Variants in YY1AP1 observed in about 807,000 individuals in gnomAD.
The protein encoded by YY1AP1 is YY1-associated protein 1.
A neutral mutation model predicts 39.9 loss-of-function variants in YY1AP1; 43 were observed. The ratio of observed to expected loss-of-function variants is 1.08; its 90% CI spans 0.84 to 1.39. The LOEUF (loss-of-function observed/expected upper bound fraction) is 1.39. Ranked by LOEUF, YY1AP1 falls within the 40% of genes most tolerant of loss-of-function variation. YY1AP1 has a pLI of 0.00. For missense variants in YY1AP1, 813 were observed against 900.7 expected, an observed-to-expected ratio of 0.90 and a Z score of 1.25; for synonymous variants, 292 against 331.3, an observed-to-expected ratio of 0.88 and a Z score of 1.29.
At position 155,680,474 on chromosome 1, in the gene YY1AP1, G is replaced by A. The variant is rs762166350; in HGVS notation, c.-20-18C>T. 12 of 1,609,472 alleles carry A rather than the reference G, an allele frequency of 7.5e-6. No individual in the cohort carries two copies. The highest frequency in any genetic ancestry group is 3.3e-5 in the South Asian group (3 of 91,006). ...TTCCTTTTCTGCAAAAAAGCCAAAC[G>A]TTGTTGGTATAAATTAGATTCATTT... is the stretch of plus-strand genomic sequence containing the variant. On this transcript the variant is annotated intron_variant, in intron 2 of 10. Coordinates refer to ENST00000355499, the MANE Select transcript of YY1AP1 (RefSeq NM_139119.3).
Position 155,675,052 on chromosome 1 carries a change from G to A in YY1AP1, c.369C>T (p.Asn123=). The change falls in exon 6 of 11, where the codon AAC becomes AAT. Residue 123 remains asparagine, a synonymous_variant. Coordinates refer to ENST00000355499, the MANE Select transcript of YY1AP1 (RefSeq NM_139119.3). ...TACTGGCCTCCGGATTGAGATTGGG[G>A]TTGCAGGTGGCAAGAAGGTGGATTT... ...LTQIHLLATC[N]PNLNPEASST... is the part of the protein sequence containing the mutation. 2 of 1,613,896 alleles carry A rather than the reference G, an allele frequency of 1.2e-6. No homozygotes were observed. Among genetic ancestry groups the A allele is most frequent in the Non-Finnish European group, 8.5e-7 (1 of 1,179,840 alleles).
At chr1:155,676,423 G>C (rs777443089) in intron 5 of YY1AP1, 125 bp downstream of exon 5, 7 of 1,148,208 alleles carry the variant, frequency 6.1e-6, no homozygotes, top group Non-Finnish European at 8.9e-6. Flanking sequence ...AAGATACTAC[G>C]GTTTTAATAC....
chr1:155,659,598 C>A lies in YY1AP1; in HGVS notation c.*59G>T. 1 of 1,580,930 alleles carries A rather than the reference C, an allele frequency of 6.3e-7. No homozygotes were observed. On this transcript the variant is annotated 3_prime_UTR_variant, in exon 11 of 11. Coordinates refer to ENST00000355499, the MANE Select transcript of YY1AP1 (RefSeq NM_139119.3). The stretch of plus-strand genomic sequence containing the variant: ...GGTTTCCTATTGGTTACACCCTATG[C>A]GCCACCAATCGGAGGCCGAAGTGAA...
chr1:155,676,036 A>T (rs942584259), intron 5 of YY1AP1, among the ~76,000 whole-genome samples: 3 of 152,048 alleles, frequency 2.0e-5, no homozygotes, highest in Admixed American at 2.0e-4. Context: ...ATCCTGGCTA[A>T]CACAGTGAAC....
intron 4 of YY1AP1, among the ~76,000 whole-genome samples, chr1:155,677,469 T>G (rs955820884): frequency 1.3e-5 from 2 of 152,030 alleles, no homozygotes; most frequent in Non-Finnish European, 2.9e-5. Context: ...TAGAAAGAAA[T>G]AAAGGGAGAA....
In YY1AP1 at chr1:155,659,809, T is replaced by C. The variant is rs201827011; in HGVS notation, c.2101A>G (p.Thr701Ala). ...GLSENSAYRWTVVKTEEGRQA... is the reference protein window; with the variant it reads ...GLSENSAYRWAVVKTEEGRQA... ...CTTCCCTCCTCTGTTTTCACAACGG[T>C]CCAGCGATAGGCACTGTTCTCTGAC... Residue 701 changes from threonine to alanine, a missense_variant, in exon 11 of 11, where the codon ACC becomes GCC. Coordinates refer to ENST00000355499, the MANE Select transcript of YY1AP1 (RefSeq NM_139119.3). 2.2e-5 allele frequency: 36 copies of C among 1,614,062 alleles called. No homozygotes were observed. The highest frequency in any genetic ancestry group is 2.9e-5 in the Non-Finnish European group (34 of 1,180,034).
chr1:155,665,783 T>TAA (rs1166220769), intron 9 of YY1AP1, among the ~76,000 whole-genome samples: 1 of 58,534 alleles, frequency 1.7e-5, no homozygotes, highest in Non-Finnish European at 2.9e-5. Context: ...ACTCTGTGTC[T>TAA]CAAAAAAAAA....
Position 155,668,639 on chromosome 1 carries a change from G to C in YY1AP1, c.867C>G (p.Asp289Glu). ...AGGAAACACTCACTTTAATGATGTT[G>C]TCAGGAGCTCTGTTCATGTTGAGGT... ...IKNLNMNRAP[D>E]NIIKFYKKTK... Residue 289 changes from aspartate to glutamate, a missense_variant, in exon 9 of 11, where the codon GAC becomes GAG. This residue lies in a region of YY1AP1 where 586 missense variants were observed against 647.4 expected (regional missense o/e 0.91). Coordinates refer to ENST00000355499, the MANE Select transcript of YY1AP1 (RefSeq NM_139119.3). 1 of 1,614,184 alleles carries C rather than the reference G, an allele frequency of 6.2e-7. No homozygotes were observed. The highest frequency in any genetic ancestry group is 1.7e-5 in the Admixed American group (1 of 60,012).
In YY1AP1 at chr1:155,688,753, G is replaced by A; in HGVS notation, c.-246C>T. 1 of 1,497,208 alleles carries A rather than the reference G, an allele frequency of 6.7e-7. No homozygotes were observed. Among genetic ancestry groups the A allele is most frequent in the Non-Finnish European group, 8.9e-7 (1 of 1,126,454 alleles). The allele number at this position is 1,497,208 out of a possible 1,614,324, so 92.7% of individuals were successfully genotyped here. A position where few individuals can be genotyped will look rare whatever the true frequency, so the allele number is the denominator to read the frequency against. ...GCCACCAACCGCCGCCAAAGCAGCCGCCGCCAGCACCCCCACCCTACACTC... is the reference window on the plus strand; with the variant it reads ...GCCACCAACCGCCGCCAAAGCAGCCACCGCCAGCACCCCCACCCTACACTC... On this transcript the variant is annotated 5_prime_UTR_variant, in exon 1 of 11. Coordinates refer to ENST00000355499, the MANE Select transcript of YY1AP1 (RefSeq NM_139119.3).
Position 155,679,455 on chromosome 1 carries a change from G to C in YY1AP1, c.79C>G (p.Arg27Gly). The change falls in exon 4 of 11, where the codon CGT becomes GGT. Residue 27 changes from arginine (R) to glycine (G), a missense_variant. Physicochemically the swap from Arg to Gly is moderately radical, Grantham distance 125. This residue lies in a region of YY1AP1 where 196 missense variants were observed against 189.7 expected (regional missense o/e 1.03). Coordinates refer to ENST00000355499, the MANE Select transcript of YY1AP1 (RefSeq NM_139119.3). ...MEDDGPEEEE[R>G]VAEPQANFNT... ...AAGTTAGCTTGAGGCTCAGCCACAC[G>C]CTCCTCCTCTTCTGGGCCATCATCT... 1 of 1,614,184 alleles carries C rather than the reference G, an allele frequency of 6.2e-7. No individual in the cohort carries two copies. The highest frequency in any genetic ancestry group is 8.5e-7 in the Non-Finnish European group (1 of 1,180,028).
intron 6 of YY1AP1, 128 bp downstream of exon 6, chr1:155,674,882 T>G: frequency 1.3e-6 from 1 of 764,964 alleles, no homozygotes; most frequent in Non-Finnish European, 2.2e-6. Context: ...AATCAGTGGC[T>G]TATGTTCACT....
rs545020923 is a variant in YY1AP1, at chr1:155,681,326, A to T, written c.-20-870T>A. Among the ~76,000 whole-genome samples the T allele has an allele frequency of 2.5e-3, 388 of 152,216 alleles. 1 individual carries two copies. Among genetic ancestry groups the T allele is most frequent in the Non-Finnish European group, 2.3e-3 (157 of 68,000 alleles). On this transcript the variant is annotated intron_variant, in intron 2 of 10. Coordinates refer to ENST00000355499, the MANE Select transcript of YY1AP1 (RefSeq NM_139119.3). The stretch of plus-strand genomic sequence containing the variant: ...ATTACAGGCATGAGCCACCATGACC[A>T]GCCCAATGATTTTATAATTAGATGG...
At chr1:155,683,587 C>T (rs925968210) in intron 2 of YY1AP1, among the ~76,000 whole-genome samples, 2 of 151,958 alleles carry the variant, frequency 1.3e-5, no homozygotes, top group African/African-American at 4.8e-5. Flanking sequence ...ATCCGGGTGG[C>T]AGAGGCTACA....
Position 155,668,836 on chromosome 1 carries a change from C to T in YY1AP1, c.729-59G>A, listed in dbSNP as rs1197672177. 4.3e-6 allele frequency: 7 copies of T among 1,610,130 alleles called. No individual in the cohort carries two copies. In the East Asian group the frequency reaches 1.6e-4, roughly 36 times the overall value. ...CACAGTCCTTCCTTCTAAAGGGCCT[C>T]CCCAGACTAACACATTTTACAATCT... On this transcript the variant is annotated intron_variant, in intron 8 of 10. Transcript: ENST00000355499.
chr1:155,670,497 T>C (rs1023051315), intron 7 of YY1AP1, 33 bp from the exon 8 acceptor site: 3 of 1,611,254 alleles, frequency 1.9e-6, no homozygotes, highest in East Asian at 4.5e-5. Context: ...TAAATCAACT[T>C]CTAGGAAAAA....
chr1:155,679,669 C>T (rs1444864255), intron 3 of YY1AP1, 157 bp from the exon 4 acceptor site: 3 of 985,298 alleles, frequency 3.0e-6, no homozygotes, highest in African/African-American at 3.5e-5. Flanking sequence ...AGGACTCCTA[C>T]AAACCCACAT....
rs781676646 is a variant in YY1AP1 at position 155,660,683 on chromosome 1, T to C, written c.1227A>G (p.Ser409=). 3.1e-6 allele frequency: 5 copies of C among 1,614,090 alleles called. No homozygotes were observed. Among genetic ancestry groups the C allele is most frequent in the African/African-American group, 1.3e-5 (1 of 74,920 alleles). The change falls in exon 11 of 11, where the codon TCA becomes TCG. Residue 409 remains serine (S), a synonymous_variant. Coordinates refer to ENST00000355499, the MANE Select transcript of YY1AP1 (RefSeq NM_139119.3). ...FPKKAWRQKR[S]SVLKPLLIQP... ...GGATAAGGAGGGGTTTCAGGACTGA[T>C]GAACGCTTCTGTCTCCAAGCCTTCT...
Position 155,675,038 on chromosome 1 carries a change from G to A in YY1AP1, c.383C>T (p.Pro128Leu), listed in dbSNP as rs771511749. The A allele has an allele frequency of 8.7e-6, 14 of 1,613,692 alleles. No individual in the cohort carries two copies. The East Asian group carries it at 1.8e-4, about 21-fold the overall frequency. ...ACATATCCTGGTGCTACTGGCCTCC[G>A]GATTGAGATTGGGGTTGCAGGTGGC... Reference protein sequence around the residue: ...LLATCNPNLNPEASSTRICLK... With the variant: ...LLATCNPNLNLEASSTRICLK... Residue 128 changes from proline (P) to leucine (L), a missense_variant, in exon 6 of 11, where the codon CCG (proline) becomes CTG (leucine). Physicochemically the swap from Pro to Leu is moderately conservative, Grantham distance 98. Coordinates refer to ENST00000355499, the MANE Select transcript of YY1AP1 (RefSeq NM_139119.3).
chr1:155,676,527 T>C, intron 5 of YY1AP1, 21 bp downstream of exon 5: 1 of 1,613,846 alleles, frequency 6.2e-7, no homozygotes, highest in Middle Eastern at 1.7e-4. Context: ...TCAATATTAA[T>C]ATGACCAAGG....
Sources: allele counts gnomAD v4.1 joint callset (sites outside exome capture counted in the v4.1 genomes callset), GRCh38; gene constraint gnomAD v4.1.1; regional missense constraint gnomAD v4.1.1; transcripts MANE v1.5; gene names NCBI Gene and HGNC (gene_info 2026-07-23, HGNC 2026-07-21).